DST: variants seen among roughly 807,000 people sequenced by gnomAD.
The protein encoded by DST is bullous pemphigoid antigen.
In DST, 253 loss-of-function variants were observed where a neutral mutation model predicts 875.2. The ratio of observed to expected loss-of-function variants is 0.29; its 90% CI spans 0.26 to 0.32. The LOEUF (loss-of-function observed/expected upper bound fraction) is 0.32, where lower values mean the gene tolerates loss of function less well. DST is among the 10% of genes least tolerant of loss of function. The pLI is 1.00. For missense variants in DST, 8,287 were observed against 9,111.6 expected (o/e 0.91, Z 3.68); for synonymous variants, 3,124 against 3,197.1 (o/e 0.98, Z 0.77).
rs202106930 is a variant in DST at position 56,934,564 on chromosome 6, A to ATTT, written c.216+19220_216+19221insAAA. The stretch of plus-strand genomic sequence containing the variant: ...ATATACATATTATATATTATATTAT[A>ATTT]TATATATATATATATATATATATAT... On this transcript the variant is annotated intron_variant, in intron 2 of 103. Transcript: ENST00000680361. Among the ~76,000 whole-genome samples the ATTT allele has an allele frequency of 2.0e-5, 2 of 98,538 alleles. 1 individual carries two copies. Among genetic ancestry groups the ATTT allele is most frequent in the African/African-American group, 7.7e-5 (2 of 25,840 alleles). 64.6% of individuals were successfully genotyped at this position (98,538 alleles called of 152,430 possible). A position where few individuals can be genotyped will look rare whatever the true frequency, so the allele number is the denominator to read the frequency against.
chr6:56,723,515 G>A (rs1011602941), intron 5 of DST, among the ~76,000 whole-genome samples: 1 of 151,924 alleles, frequency 6.6e-6, no homozygotes, highest in African/African-American at 2.4e-5. Flanking sequence ...GATGAGCCAA[G>A]ATCACACCAC....
chr6:56,501,370 T>A, intron 79 of DST, 135 bp from the exon 80 acceptor site: 1 of 1,137,068 alleles, frequency 8.8e-7, no homozygotes, highest in Non-Finnish European at 1.2e-6. Context: ...AATCATCATA[T>A]CCTTCTATGT....
At chr6:56,862,576 G>C (rs1771775971) in intron 3 of DST, among the ~76,000 whole-genome samples, 1 of 152,090 alleles carries the variant, frequency 6.6e-6, no homozygotes, top group African/African-American at 2.4e-5. Context: ...TCTTCATCCA[G>C]TAGGAGCTGG....
intron 5 of DST, among the ~76,000 whole-genome samples, chr6:56,710,116 A>G (rs943466735): frequency 2.6e-5 from 4 of 152,220 alleles, no homozygotes; most frequent in African/African-American, 7.2e-5. Context: ...CCTGTAAACT[A>G]TTATCTTAAG....
chr6:56,737,587 T>C (rs772259835), intron 4 of DST, among the ~76,000 whole-genome samples: 15 of 152,212 alleles, frequency 9.9e-5, no homozygotes, highest in Non-Finnish European at 2.1e-4. Context: ...TAGAACATTC[T>C]AATCATCACG....
chr6:56,789,094 C>T (rs937109055), intron 4 of DST, among the ~76,000 whole-genome samples: 4 of 152,114 alleles, frequency 2.6e-5, no homozygotes, highest in Non-Finnish European at 5.9e-5. Flanking sequence ...CCTATAATCC[C>T]AGCACTTTGG....
At chr6:56,701,261 T>G (rs1200315170) in intron 8 of DST, among the ~76,000 whole-genome samples, 1 of 152,104 alleles carries the variant, frequency 6.6e-6, no homozygotes, top group Non-Finnish European at 1.5e-5. Context: ...ATTACTAATA[T>G]TTTGGCCTAT....
At chr6:56,791,680 G>A (rs748819681) in intron 4 of DST, among the ~76,000 whole-genome samples, 1 of 151,566 alleles carries the variant, frequency 6.6e-6, no homozygotes, top group Admixed American at 6.6e-5. Context: ...AGCTACTCAG[G>A]AGGCTGAGGT....
intron 47 of DST, among the ~76,000 whole-genome samples, chr6:56,596,020 T>C (rs1050500879): frequency 3.3e-5 from 5 of 151,212 alleles, no homozygotes; most frequent in African/African-American, 1.2e-4. Flanking sequence ...TATTTATTTA[T>C]TTACTTATTT....
chr6:56,637,991 T>G (rs1047011121), intron 22 of DST, among the ~76,000 whole-genome samples: 1 of 152,142 alleles, frequency 6.6e-6, no homozygotes, highest in Admixed American at 6.5e-5. Context: ...ATATAAAATA[T>G]GAAACAGTAT....
chr6:56,634,874 T>C lies in DST; in HGVS notation c.3266A>G (p.Lys1089Arg), dbSNP rs2098811443. The stretch of plus-strand genomic sequence containing the variant: ...GAGTGGACAGTCAGAATTCCTTGGC[T>C]TCAGTTGAATTATTGTTTTTGCTTT... ...MGKAKTIIQL[K>R]PRNSDCPLKT... is the part of the protein sequence containing the mutation. Residue 1089 changes from lysine to arginine, a missense_variant, in exon 25 of 104, where the codon AAG becomes AGG. This residue lies in a region of DST where 1,160 missense variants were observed against 1,424.3 expected (regional missense o/e 0.81). Coordinates refer to ENST00000680361, the MANE Select transcript of DST (RefSeq NM_001374736.1). 1 of 1,613,860 alleles carries C rather than the reference T, an allele frequency of 6.2e-7. No individual in the cohort carries two copies. Among genetic ancestry groups the C allele is most frequent in the Non-Finnish European group, 8.5e-7 (1 of 1,179,952 alleles).
intron 71 of DST, among the ~76,000 whole-genome samples, chr6:56,516,612 G>A (rs1179788226): frequency 6.6e-6 from 1 of 152,094 alleles, no homozygotes; most frequent in South Asian, 2.1e-4. Flanking sequence ...CCAGAAGCAT[G>A]AATATGCATC....
intron 4 of DST, chr6:56,843,361 C>A: frequency 6.8e-6 from 8 of 1,182,996 alleles, no homozygotes; most frequent in Non-Finnish European, 8.4e-6. Context: ...CCGGGCAGGC[C>A]GATGGTGGGC....
intron 2 of DST, among the ~76,000 whole-genome samples, chr6:56,923,437 T>G (rs980049926): frequency 3.3e-5 from 4 of 120,276 alleles, no homozygotes; most frequent in Admixed American, 3.2e-4. Flanking sequence ...ATGGAGAGAG[T>G]GGATGCTGGT....
At chr6:56,581,388 C>T (rs867048065) in intron 49 of DST, among the ~76,000 whole-genome samples, 1 of 152,042 alleles carries the variant, frequency 6.6e-6, no homozygotes, top group Non-Finnish European at 1.5e-5. Context: ...TAACTCTGTC[C>T]CCAAAGATTA....
At chr6:56,499,068 T>C (rs758389723) in intron 80 of DST, among the ~76,000 whole-genome samples, 1 of 152,166 alleles carries the variant, frequency 6.6e-6, no homozygotes, top group Admixed American at 6.6e-5. Flanking sequence ...ATATTAATAG[T>C]TTCCTTTCAA....
At chr6:56,602,359 A>G (rs922432796) in intron 43 of DST, among the ~76,000 whole-genome samples, 1 of 151,956 alleles carries the variant, frequency 6.6e-6, no homozygotes, top group African/African-American at 2.4e-5. Flanking sequence ...TACAGTAGTC[A>G]GTACAGTAAC....
chr6:56,582,197 C>T (rs1412111913), intron 49 of DST, among the ~76,000 whole-genome samples: 1 of 151,900 alleles, frequency 6.6e-6, no homozygotes, highest in Non-Finnish European at 1.5e-5. Context: ...CACATATCAC[C>T]CCTGATATAG....
At chr6:56,539,377 C>T (rs1421448851) in intron 61 of DST, among the ~76,000 whole-genome samples, 1 of 152,104 alleles carries the variant, frequency 6.6e-6, no homozygotes, top group Non-Finnish European at 1.5e-5. Flanking sequence ...TTTAAATTAG[C>T]ATGCCATTTA....
Sources: allele counts gnomAD v4.1 joint callset (sites outside exome capture counted in the v4.1 genomes callset), GRCh38; gene constraint gnomAD v4.1.1; regional missense constraint gnomAD v4.1.1; transcripts MANE v1.5; gene names NCBI Gene and HGNC (gene_info 2026-07-23, HGNC 2026-07-21).